UNC80: variants seen among roughly 807,000 people sequenced by gnomAD.
The protein encoded by UNC80 is unc-80 subunit of NALCN channel complex, also known as protein unc-80 homolog.
Under a neutral mutation model 384.6 loss-of-function variants are expected in UNC80, and 164 were observed. That is an observed-to-expected ratio of 0.43 (90% CI 0.38 to 0.49). UNC80 has a LOEUF of 0.49. Among genes scored for constraint, UNC80 ranks in the 20% least tolerant of loss-of-function variants. The pLI, the probability that UNC80 is intolerant of heterozygous loss-of-function variation, is 0.00. For synonymous variants in UNC80, 1,486 were observed against 1,527.8 expected (o/e 0.97, Z 0.64); for missense variants, 3,330 against 4,143.0 (o/e 0.80, Z 5.39).
chr2:209,918,823 C>T (rs1438029694), intron 33 of UNC80, among the ~76,000 whole-genome samples, 160 bp downstream of exon 33: 1 of 151,984 alleles, frequency 6.6e-6, no homozygotes, highest in Non-Finnish European at 1.5e-5. Flanking sequence ...AGAATAATAT[C>T]GAGTAGTGAG....
chr2:209,954,908 C>T (rs1315126793), intron 48 of UNC80, among the ~76,000 whole-genome samples: 2 of 152,036 alleles, frequency 1.3e-5, no homozygotes, highest in Non-Finnish European at 2.9e-5. Context: ...TTAGTCCTGT[C>T]GCAAGATGCT....
Position 209,917,900 on chromosome 2 carries a change from G to A in UNC80, c.5153G>A (p.Trp1718Ter). Residue 1718 changes from tryptophan to a stop codon, truncating the protein, a stop_gained, in exon 32 of 65, where the codon TGG becomes TAG. Coordinates refer to ENST00000673920, the MANE Select transcript of UNC80 (RefSeq NM_001371986.1). LOFTEE classifies it high-confidence loss of function. ...LNAVLKFHTL[W>*]RFRYQVWPRM... Reference sequence around the variant, plus strand: ...GCTGTCCTCAAGTTCCACACGCTCTGGAGGTTTCGCTATCAGGTCTGGCCC... The same window carrying A: ...GCTGTCCTCAAGTTCCACACGCTCTAGAGGTTTCGCTATCAGGTCTGGCCC... 1.3e-6 allele frequency: 2 copies of A among 1,551,742 alleles called. No homozygotes were observed. Among genetic ancestry groups the A allele is most frequent in the Non-Finnish European group, 1.7e-6 (2 of 1,147,004 alleles).
intron 13 of UNC80, among the ~76,000 whole-genome samples, chr2:209,824,304 T>A (rs548057559): frequency 6.6e-6 from 1 of 152,276 alleles, no homozygotes; most frequent in South Asian, 2.1e-4. Context: ...AAGATATGCG[T>A]GCAGGCAATT....
chr2:209,852,831 C>G (rs2082628105), intron 22 of UNC80, among the ~76,000 whole-genome samples: 1 of 152,066 alleles, frequency 6.6e-6, no homozygotes, highest in Non-Finnish European at 1.5e-5. Context: ...ATATGTGATT[C>G]ACCAACTTCC....
chr2:209,843,729 A>G (rs942367928), intron 21 of UNC80, among the ~76,000 whole-genome samples: 12 of 152,178 alleles, frequency 7.9e-5, no homozygotes, highest in Non-Finnish European at 1.5e-4. Flanking sequence ...GAACAGGACA[A>G]ATGCAAAGAT....
At chr2:209,888,308 C>T in intron 26 of UNC80, 48 bp downstream of exon 26, 2 of 1,541,808 alleles carry the variant, frequency 1.3e-6, no homozygotes, top group Non-Finnish European at 1.8e-6. Context: ...TCTTGTTTCT[C>T]ATAGGATATT....
At chr2:209,947,356 T>C (rs1383711141) in intron 47 of UNC80, among the ~76,000 whole-genome samples, 2 of 152,208 alleles carry the variant, frequency 1.3e-5, no homozygotes, top group African/African-American at 4.8e-5. Context: ...TCCTGCAACA[T>C]AGAGAACACC....
chr2:209,959,237 G>T, intron 50 of UNC80, 83 bp downstream of exon 50: 1 of 1,428,342 alleles, frequency 7.0e-7, no homozygotes, highest in Non-Finnish European at 9.7e-7. Context: ...GGCTCTATTA[G>T]ATTTCATTTG....
intron 21 of UNC80, among the ~76,000 whole-genome samples, chr2:209,844,787 G>T (rs1007563779): frequency 6.8e-6 from 1 of 147,370 alleles, no homozygotes; most frequent in Non-Finnish European, 1.5e-5. Flanking sequence ...AGAGATGGGG[G>T]TGGGGGGATC....
chr2:209,965,809 A>G (rs1329764916), intron 51 of UNC80, among the ~76,000 whole-genome samples: 1 of 151,926 alleles, frequency 6.6e-6, no homozygotes, highest in African/African-American at 2.4e-5. Flanking sequence ...AATAATAATA[A>G]TAAGAGGTGC....
intron 22 of UNC80, among the ~76,000 whole-genome samples, chr2:209,866,484 GCACCCCCACACACACACA>G (rs1279611289): frequency 5.0e-4 from 38 of 76,168 alleles, no homozygotes; most frequent in African/African-American, 1.5e-3. Context: ...AATACAAAAT[GCACCCCCACACACACACA>G]CACACACACA....
In UNC80 at chr2:209,777,565, C is replaced by T; in HGVS notation, c.600+6C>T. 6.3e-7 allele frequency: 1 copy of T among 1,597,466 alleles called. No individual in the cohort carries two copies. Among genetic ancestry groups the T allele is most frequent in the Non-Finnish European group, 8.5e-7 (1 of 1,171,468 alleles). On this transcript the variant is annotated splice_donor_region_variant and intron_variant, in intron 4 of 64. Transcript: ENST00000673920. ...CCCTGGTACACAGGATCAAGGTAAG[C>T]AGAAACCCAGTGTTAGAGCTGGAGT...
chr2:209,977,186 A>G (rs2125017790), intron 58 of UNC80, 108 bp downstream of exon 58: 3 of 1,172,574 alleles, frequency 2.6e-6, no homozygotes, highest in South Asian at 3.1e-5. Flanking sequence ...TGAATATGTT[A>G]GCCATTTTGG....
chr2:209,847,823 A>G (rs1181461744), intron 21 of UNC80, among the ~76,000 whole-genome samples: 4 of 152,024 alleles, frequency 2.6e-5, no homozygotes, highest in African/African-American at 4.8e-5. Flanking sequence ...ATCTGGTCTT[A>G]TATATTAATT....
At chr2:209,982,904 C>G (rs2093190675) in intron 60 of UNC80, 1 of 151,386 alleles carries the variant, frequency 6.6e-6, no homozygotes, top group Admixed American at 6.6e-5. Context: ...TGTGTGTTCT[C>G]TGTCTCTTAA....
intron 29 of UNC80, among the ~76,000 whole-genome samples, chr2:209,910,288 G>GA (rs765866008): frequency 6.6e-5 from 10 of 151,868 alleles, no homozygotes; most frequent in Non-Finnish European, 1.5e-4. Context: ...ACCACTAGTA[G>GA]ATGCCTTTGG....
chr2:209,976,165 G>T lies in UNC80; in HGVS notation c.8634G>T (p.Gln2878His), dbSNP rs1355054496. 6.4e-7 allele frequency: 1 copy of T among 1,551,732 alleles called. No homozygotes were observed. Among genetic ancestry groups the T allele is most frequent in the Middle Eastern group, 1.7e-4 (1 of 5,992 alleles). ...GCTTTGAGAGGCAGCTCGGAAGCCA[G>T]TGGTACTGGCTGAGCCTCCAGGTGA... ...LVCFERQLGS[Q>H]WYWLSLQVKE... Residue 2878 changes from glutamine (Q) to histidine (H), a missense_variant, in exon 57 of 65, where the codon CAG becomes CAT. This residue lies in a region of UNC80 where 1,049 missense variants were observed against 1,488.6 expected (regional missense o/e 0.70). Coordinates refer to ENST00000673920, the MANE Select transcript of UNC80 (RefSeq NM_001371986.1). This position sits in a 1 kb window ranked among gnomAD's most constrained non-coding sequence, Gnocchi z 4.3.
At chr2:209,802,112 A>G (rs1193813878) in intron 7 of UNC80, among the ~76,000 whole-genome samples, 2 of 152,144 alleles carry the variant, frequency 1.3e-5, no homozygotes, top group East Asian at 1.9e-4. Context: ...TTGAACTTGT[A>G]GAAGTAGAGT....
chr2:209,807,115 C>T (rs4673489), intron 7 of UNC80, among the ~76,000 whole-genome samples: 152,234 of 152,330 alleles, frequency 1, 76,069 homozygotes, highest in Non-Finnish European at 1. Context: ...AATGTAAACA[C>T]ATACAATATT....
Sources: allele counts gnomAD v4.1 joint callset (sites outside exome capture counted in the v4.1 genomes callset), GRCh38; gene constraint gnomAD v4.1.1; regional missense constraint gnomAD v4.1.1; non-coding constraint Gnocchi (gnomAD v3.1); transcripts MANE v1.5; gene names NCBI Gene and HGNC (gene_info 2026-07-23, HGNC 2026-07-21).